Variants in MAP4K1 observed in about 807,000 individuals in gnomAD.
The protein encoded by MAP4K1 is MAPK/ERK kinase kinase kinase 1.
MAP4K1 carries 35 observed loss-of-function variants against 122.8 expected under a neutral mutation model. The ratio of observed to expected loss-of-function variants is 0.29; its 90% CI spans 0.22 to 0.38. MAP4K1 has a LOEUF of 0.38. MAP4K1 is among the 10% of genes least tolerant of loss of function. The pLI is 1.00. For missense variants in MAP4K1, 791 were observed against 1,072.6 expected (o/e 0.74, Z 3.67); for synonymous variants, 412 against 421.3 (o/e 0.98, Z 0.27).
intron 8 of MAP4K1, among the ~76,000 whole-genome samples, chr19:38,613,489 C>G (rs1975560967): frequency 6.6e-6 from 1 of 151,784 alleles, no homozygotes; most frequent in African/African-American, 2.4e-5. Flanking sequence ...TATGCCACTG[C>G]AATCCAGCCT....
chr19:38,594,463 A>C (rs1269344219), intron 29 of MAP4K1, among the ~76,000 whole-genome samples: 1 of 151,992 alleles, frequency 6.6e-6, no homozygotes, highest in Non-Finnish European at 1.5e-5. Flanking sequence ...AACATGACAA[A>C]ACCCCGTCTC....
rs1258063545 is a variant in MAP4K1 at position 38,595,482 on chromosome 19, TACCTGATCCGAGCCTAGA to T, written c.2325_2340+2del. 1 of 1,613,948 alleles carries T rather than the reference TACCTGATCCGAGCCTAGA, an allele frequency of 6.2e-7. No individual in the cohort carries two copies. The stretch of plus-strand genomic sequence containing the variant: ...GATGTGGAGTTTGGATGGAGGGGCT[TACCTGATCCGAGCCTAGA>T]GCCCACACCTGCACTCCATGCTTCC... On this transcript the variant is annotated splice_donor_variant and coding_sequence_variant, in exon 29 of 31. Transcript: ENST00000396857. LOFTEE classifies it high-confidence loss of function.
chr19:38,598,466 C>A (rs1470250976), intron 22 of MAP4K1, among the ~76,000 whole-genome samples: 2 of 152,000 alleles, frequency 1.3e-5, no homozygotes, highest in Non-Finnish European at 2.9e-5. Context: ...GTAGCTGGAA[C>A]CATAGGTGTG....
chr19:38,610,090 A>C, intron 11 of MAP4K1, 65 bp from the exon 12 acceptor site: 1 of 1,177,012 alleles, frequency 8.5e-7, no homozygotes. Context: ...TGGTGTGGAC[A>C]GAGAGGACTG....
chr19:38,593,329 C>T lies in MAP4K1; in HGVS notation c.2349G>A (p.Gln783=). 1 of 1,610,418 alleles carries T rather than the reference C, an allele frequency of 6.2e-7. No individual in the cohort carries two copies. The highest frequency in any genetic ancestry group is 1.1e-5 in the South Asian group (1 of 90,462). Reference sequence around the variant, plus strand: ...AAGTGAGGGTAGGGTCTCTCAGCTCCTGTAGCAGCTAGGGAAAAAAAGTGT... The same window carrying T: ...AAGTGAGGGTAGGGTCTCTCAGCTCTTGTAGCAGCTAGGGAAAAAAAGTGT... ...VWALGSDQLL[Q]ELRDPTLTFR... The change falls in exon 30 of 31, where the codon CAG becomes CAA. Residue 783 remains glutamine (Q), a synonymous_variant. Transcript: ENST00000396857.
Position 38,608,407 on chromosome 19 carries a change from C to T in MAP4K1, c.1007-237G>A, listed in dbSNP as rs898015571. Among the ~76,000 whole-genome samples the T allele has an allele frequency of 2.0e-5, 3 of 152,052 alleles. No homozygotes were observed. In the South Asian group the frequency reaches 6.2e-4, roughly 32 times the overall value. ...GTGGCTCACGCCTATAATCCCAGTACTTTGGAAGGCTGAGGTGGGCAGATC... is the reference window on the plus strand; with the variant it reads ...GTGGCTCACGCCTATAATCCCAGTATTTTGGAAGGCTGAGGTGGGCAGATC... On this transcript the variant is annotated intron_variant, in intron 13 of 30. Coordinates refer to ENST00000396857, the MANE Select transcript of MAP4K1 (RefSeq NM_001042600.3).
At chr19:38,600,305 A>G (rs1426271798) in intron 20 of MAP4K1, 152 bp from the exon 21 acceptor site, 5 of 668,818 alleles carry the variant, frequency 7.5e-6, no homozygotes, top group African/African-American at 7.2e-5. Context: ...GTTTCCCCAA[A>G]CAAAGCCAGA....
Position 38,596,379 on chromosome 19 carries a change from C to T in MAP4K1, c.2049G>A (p.Gly683=). 6.3e-7 allele frequency: 1 copy of T among 1,598,984 alleles called. No individual in the cohort carries two copies. The highest frequency in any genetic ancestry group is 1.1e-5 in the South Asian group (1 of 89,346). Residue 683 remains glycine (G), a synonymous_variant, in exon 26 of 31, where the codon GGG becomes GGA. Transcript: ENST00000396857. ...VCIGVSPGRP[G]KSVLFHTVRF... Reference sequence around the variant, plus strand: ...GCACCGTGTGGAAGAGCACCGACTTCCCCGGCCGCCCGGGGCTCACGCCGA... The same window carrying T: ...GCACCGTGTGGAAGAGCACCGACTTTCCCGGCCGCCCGGGGCTCACGCCGA...
At chr19:38,606,890 G>C (rs576746803) in intron 16 of MAP4K1, among the ~76,000 whole-genome samples, 6 of 152,122 alleles carry the variant, frequency 3.9e-5, no homozygotes, top group Non-Finnish European at 8.8e-5. Flanking sequence ...AAGTGAGTGC[G>C]CGCACCTGGA....
intron 22 of MAP4K1, among the ~76,000 whole-genome samples, chr19:38,599,401 C>T (rs939352658): frequency 2.7e-5 from 4 of 149,622 alleles, no homozygotes; most frequent in African/African-American, 9.9e-5. Flanking sequence ...GTGGCTCATG[C>T]CTGTAATCCC....
chr19:38,587,734 A>T lies in MAP4K1; in HGVS notation c.*14T>A, dbSNP rs1188380473. 1.2e-6 allele frequency: 2 copies of T among 1,609,416 alleles called. No individual in the cohort carries two copies. The highest frequency in any genetic ancestry group is 1.7e-6 in the Non-Finnish European group (2 of 1,176,136). ...GGGGGTGCAAGGACTAGTTCCTGACACCCCCCTAGGGACTCATTCCTGGAT... is the reference window on the plus strand; with the variant it reads ...GGGGGTGCAAGGACTAGTTCCTGACTCCCCCCTAGGGACTCATTCCTGGAT... On this transcript the variant is annotated 3_prime_UTR_variant, in exon 31 of 31. Transcript: ENST00000396857.
At chr19:38,612,158 G>A (rs1267045987) in intron 9 of MAP4K1, among the ~76,000 whole-genome samples, 1 of 151,540 alleles carries the variant, frequency 6.6e-6, no homozygotes, top group African/African-American at 2.4e-5. Context: ...AGTGGTTCAC[G>A]CCTGTAATCC....
At chr19:38,606,266 C>G (rs543363743) in intron 16 of MAP4K1, 51 bp from the exon 17 acceptor site, 3 of 902,444 alleles carry the variant, frequency 3.3e-6, no homozygotes, top group South Asian at 3.3e-5. Flanking sequence ...AACAAGGACT[C>G]GGGGAAGATG....
At chr19:38,600,741 C>T (rs1975034565) in intron 20 of MAP4K1, among the ~76,000 whole-genome samples, 1 of 151,774 alleles carries the variant, frequency 6.6e-6, no homozygotes, top group Non-Finnish European at 1.5e-5. Context: ...TATTCTGACA[C>T]TCCTGGCCCC....
chr19:38,596,209 T>C (rs894756836), intron 26 of MAP4K1, 103 bp downstream of exon 26: 1 of 1,438,290 alleles, frequency 7.0e-7, no homozygotes, highest in Non-Finnish European at 9.3e-7. Context: ...CTTCCAGCCC[T>C]TTCTCAGTCC....
In MAP4K1 at chr19:38,587,796, G is replaced by C. The variant is rs1974567523; in HGVS notation, c.2418C>G (p.Arg806=). The change falls in exon 31 of 31, where the codon CGC becomes CGG. Residue 806 remains arginine, a synonymous_variant. Transcript: ENST00000396857. ...TGGGAGCAGTAGGATCATCCACTGG[G>C]CGTGTCTCCACCACTACAGGCCTGT... is the stretch of plus-strand genomic sequence containing the variant. ...GSPRPVVVET[R]PVDDPTAPSN... 2 of 1,613,980 alleles carry C rather than the reference G, an allele frequency of 1.2e-6. No homozygotes were observed. The highest frequency in any genetic ancestry group is 1.7e-6 in the Non-Finnish European group (2 of 1,179,898).
chr19:38,597,632 A>T lies in MAP4K1; in HGVS notation c.1670-38T>A. 7.2e-7 allele frequency: 1 copy of T among 1,381,440 alleles called. No individual in the cohort carries two copies. The highest frequency in any genetic ancestry group is 1.0e-6 in the Non-Finnish European group (1 of 989,290). 85.6% of individuals were successfully genotyped at this position (1,381,440 alleles called of 1,614,324 possible). Reference sequence around the variant, plus strand: ...TGTATGTAGGGGGAAGCAGGAAGTTATAGGATCCCATATACCACTTCCTTT... The same window carrying T: ...TGTATGTAGGGGGAAGCAGGAAGTTTTAGGATCCCATATACCACTTCCTTT... On this transcript the variant is annotated intron_variant, in intron 22 of 30. Coordinates refer to ENST00000396857, the MANE Select transcript of MAP4K1 (RefSeq NM_001042600.3). The surrounding 1 kb of genome is among the most constrained non-coding windows in gnomAD (Gnocchi z 4.6).
intron 16 of MAP4K1, among the ~76,000 whole-genome samples, chr19:38,606,829 C>A (rs375276182): frequency 1.3e-5 from 2 of 152,334 alleles, no homozygotes; most frequent in South Asian, 2.1e-4. Context: ...GCGCCGTGGC[C>A]CTGCTCTCCC....
intron 11 of MAP4K1, among the ~76,000 whole-genome samples, chr19:38,610,372 A>ATTTT (rs35103992): frequency 5.0e-4 from 38 of 76,196 alleles, no homozygotes; most frequent in Non-Finnish European, 6.5e-4. Context: ...CGCCCAGCTA[A>ATTTT]TTTTTTTTTT....
Sources: gnomAD v4.1 joint callset for allele counts (sites outside exome capture counted in the v4.1 genomes callset) on GRCh38, gnomAD v4.1.1 for gene constraint, Gnocchi (gnomAD v3.1) non-coding constraint, MANE v1.5 for transcripts, NCBI Gene and HGNC (gene_info 2026-07-23, HGNC 2026-07-21) for gene names.